GZMM: variants seen among roughly 807,000 people sequenced by gnomAD.
The protein encoded by GZMM is HU-Met-1.
A neutral mutation model predicts 19.2 loss-of-function variants in GZMM; 23 were observed. The observed-to-expected ratio is 1.20, with a 90% CI of 0.86 to 1.69. GZMM has a LOEUF of 1.69. Ranked by LOEUF, GZMM falls within the 40% of genes most tolerant of loss-of-function variation. GZMM has a pLI of 0.00. For synonymous variants in GZMM, 178 were observed against 160.2 expected (o/e 1.11, Z -0.84); for missense variants, 373 against 352.2 (o/e 1.06, Z -0.47).
intron 1 of GZMM, among the ~76,000 whole-genome samples, chr19:546,228 C>G (rs1241017154): frequency 1.3e-5 from 2 of 152,064 alleles, no homozygotes; most frequent in Non-Finnish European, 1.5e-5. Flanking sequence ...ATGCACTATA[C>G]AATTTACTTA....
chr19:549,280 T>C, intron 4 of GZMM, 95 bp downstream of exon 4: 7 of 1,202,720 alleles, frequency 5.8e-6, no homozygotes, highest in Non-Finnish European at 6.9e-6. Context: ...TCCCGTTCTC[T>C]GGGGAGTCCT....
At position 548,572 on chromosome 19, in the gene GZMM, C is replaced by T. The variant is rs1980374576; in HGVS notation, c.243C>T (p.Leu81=). The change falls in exon 3 of 5, where the codon CTC becomes CTT. Residue 81 remains leucine (L), a synonymous_variant. Transcript: ENST00000264553. ...CCCAGCTGAGGCTGGTGCTGGGGCT[C>T]CACACCCTGGACAGCCCCGGTCTCA... ...RMAQLRLVLG[L]HTLDSPGLTF... is the part of the protein sequence containing the mutation. 1.2e-6 allele frequency: 2 copies of T among 1,613,264 alleles called. No homozygotes were observed. The highest frequency in any genetic ancestry group is 1.7e-6 in the Non-Finnish European group (2 of 1,179,548).
At position 549,418 on chromosome 19, in the gene GZMM, T is replaced by C. The variant is rs957169431; in HGVS notation, c.613-212T>C. ...CGGGAAGCGGCAGAGCTGTGACTTC[T>C]GCTCCAGCCAAGACGGTCCGGCGGG... On this transcript the variant is annotated intron_variant, in intron 4 of 4. Transcript: ENST00000264553. Among the ~76,000 whole-genome samples the C allele has an allele frequency of 9.5e-4, 144 of 152,306 alleles. 1 individual carries two copies. The highest frequency in any genetic ancestry group is 1.0e-4 in the Non-Finnish European group (7 of 68,008).
At chr19:545,961 G>A (rs1158605080) in intron 1 of GZMM, among the ~76,000 whole-genome samples, 2 of 151,412 alleles carry the variant, frequency 1.3e-5, no homozygotes, top group Admixed American at 1.3e-4. Context: ...TGTATTTTTA[G>A]TACAGACGGG....
chr19:546,705 G>A (rs190072990), intron 1 of GZMM, among the ~76,000 whole-genome samples: 1 of 149,652 alleles, frequency 6.7e-6, no homozygotes, highest in East Asian at 2.0e-4. Context: ...AGGCGTGGTG[G>A]CAGGTGCCTG....
chr19:548,185 T>C (rs1406801083), intron 2 of GZMM, among the ~76,000 whole-genome samples: 1 of 152,130 alleles, frequency 6.6e-6, no homozygotes, highest in East Asian at 1.9e-4. Context: ...CTTAGGAGGA[T>C]TGGCATGTGT....
chr19:548,757 C>CCGCTGCCGCCCCTCCCCCCG (rs1980388196), intron 3 of GZMM, 80 bp downstream of exon 3: 27 of 1,180,126 alleles, frequency 2.3e-5, no homozygotes, highest in South Asian at 8.3e-5. Context: ...CGCCCTCCCC[C>CCGCTGCCGCCCCTCCCCCCG]CGCTGCCGAC....
chr19:547,839 G>A (rs1381895924), intron 2 of GZMM, among the ~76,000 whole-genome samples: 1 of 152,182 alleles, frequency 6.6e-6, no homozygotes, highest in Admixed American at 6.5e-5. Context: ...GCCGGCCTTC[G>A]AGAGTGGCTC....
chr19:548,011 C>T (rs1442698491), intron 2 of GZMM, among the ~76,000 whole-genome samples: 2 of 152,164 alleles, frequency 1.3e-5, no homozygotes, highest in Admixed American at 1.3e-4. Context: ...AGGAGGAGGC[C>T]TGGCTTCAGG....
In GZMM at chr19:548,893, G is replaced by A. The variant is rs1174992224; in HGVS notation, c.349-29G>A. 8 of 1,366,238 alleles carry A rather than the reference G, an allele frequency of 5.9e-6. No homozygotes were observed. The South Asian group carries it at 6.8e-5, about 12-fold the overall frequency. 84.6% of individuals were successfully genotyped at this position (1,366,238 alleles called of 1,614,324 possible). A position where few individuals can be genotyped will look rare whatever the true frequency, so the allele number is the denominator to read the frequency against. ...CCCCGCACTCTCACCCCCTCCCCCT[G>A]CTCACCTGCCCCTTCCTGTCACTCG... On this transcript the variant is annotated intron_variant, in intron 3 of 4. Coordinates refer to ENST00000264553, the MANE Select transcript of GZMM (RefSeq NM_005317.4).
chr19:548,575 C>T lies in GZMM; in HGVS notation c.246C>T (p.His82=). Residue 82 remains histidine (H), a synonymous_variant, in exon 3 of 5, where the codon CAC becomes CAT. Transcript: ENST00000264553. ...AGCTGAGGCTGGTGCTGGGGCTCCA[C>T]ACCCTGGACAGCCCCGGTCTCACCT... ...MAQLRLVLGL[H]TLDSPGLTFH... The T allele has an allele frequency of 6.2e-7, 1 of 1,613,382 alleles. No individual in the cohort carries two copies. The highest frequency in any genetic ancestry group is 8.5e-7 in the Non-Finnish European group (1 of 1,179,640).
At chr19:544,181 T>A in intron 1 of GZMM, 55 bp downstream of exon 1, 2 of 1,444,550 alleles carry the variant, frequency 1.4e-6, no homozygotes, top group Non-Finnish European at 1.9e-6. Context: ...TCTCGGTGGG[T>A]CCCTGGATGG....
chr19:544,668 TCCTC>T (rs1227189737), intron 1 of GZMM, among the ~76,000 whole-genome samples: 1 of 151,506 alleles, frequency 6.6e-6, no homozygotes, highest in East Asian at 1.9e-4. Flanking sequence ...TCATCATCCT[TCCTC>T]CCATTTTTAT....
At chr19:544,147 A>T (rs994204490) in intron 1 of GZMM, 21 bp downstream of exon 1, 2 of 1,538,108 alleles carry the variant, frequency 1.3e-6, no homozygotes, top group South Asian at 1.2e-5. Flanking sequence ...GCCGGGATGC[A>T]GGGGGGACAC....
intron 1 of GZMM, among the ~76,000 whole-genome samples, chr19:544,416 CTG>C (rs1290141024): frequency 2.0e-5 from 3 of 152,260 alleles, no homozygotes; most frequent in Non-Finnish European, 2.9e-5. Flanking sequence ...GAGTAGGAGA[CTG>C]AGACTTGGCG....
Position 549,865 on chromosome 19 carries a change from G to GT in GZMM, c.*74_*75insT. The GT allele has an allele frequency of 3.8e-6, 2 of 530,990 alleles. No homozygotes were observed. Among genetic ancestry groups the GT allele is most frequent in the Non-Finnish European group, 3.5e-6 (1 of 284,194 alleles). 32.9% of individuals were successfully genotyped at this position (530,990 alleles called of 1,614,324 possible). On this transcript the variant is annotated 3_prime_UTR_variant, in exon 5 of 5. Transcript: ENST00000264553. ...CCTCCAGGGGTGCAGTGGGGTGGGTGAGGACGGGTGGGAGGGACAGGGAGG... is the reference window on the plus strand; with the variant it reads ...CCTCCAGGGGTGCAGTGGGGTGGGTGTAGGACGGGTGGGAGGGACAGGGAGG...
intron 1 of GZMM, among the ~76,000 whole-genome samples, chr19:545,231 C>T (rs1156583610): frequency 2.0e-5 from 3 of 146,478 alleles, no homozygotes; most frequent in African/African-American, 4.9e-5. Context: ...GGAGGAAACA[C>T]GGAGGGCAAG....
chr19:548,935 T>C lies in GZMM; in HGVS notation c.362T>C (p.Val121Ala). The change falls in exon 4 of 5, where the codon GTG becomes GCG. Residue 121 changes from valine to alanine, a missense_variant. By Grantham distance (64) the Val-to-Ala change is moderately conservative (BLOSUM62 0). Coordinates refer to ENST00000264553, the MANE Select transcript of GZMM (RefSeq NM_005317.4). ...TGTCACTCGTAGCTGGACGGGAAAG[T>C]GAAGCCCAGCCGGACCATCCGGCCG... ...DLALLQLDGK[V>A]KPSRTIRPLA... 2 of 1,569,612 alleles carry C rather than the reference T, an allele frequency of 1.3e-6. No individual in the cohort carries two copies. The highest frequency in any genetic ancestry group is 8.7e-7 in the Non-Finnish European group (1 of 1,155,664).
intron 1 of GZMM, 33 bp from the exon 2 acceptor site, chr19:547,247 C>T: frequency 6.8e-7 from 1 of 1,478,998 alleles, no homozygotes; most frequent in Non-Finnish European, 9.0e-7. Flanking sequence ...GGCATGTAGC[C>T]CCAACCTGGC....
Sources: allele counts gnomAD v4.1 joint callset (sites outside exome capture counted in the v4.1 genomes callset), GRCh38; gene constraint gnomAD v4.1.1; transcripts MANE v1.5; gene names NCBI Gene and HGNC (gene_info 2026-07-23, HGNC 2026-07-21).